DRC9: variants seen among roughly 807,000 people sequenced by gnomAD.
DRC9 encodes the protein dynein regulatory complex protein 9.
At chr3:197,944,453 A>T in the DRC9 span, among the ~76,000 whole-genome samples, 586 of 142,750 alleles carry the variant, frequency 4.1e-3, 7 homozygotes, top group African/African-American at 0.011. Flanking sequence ...ATTTTATTTT[A>T]TTTTATTTTT....
chr3:197,940,029 T>A, the DRC9 span, among the ~76,000 whole-genome samples: 4 of 152,140 alleles, frequency 2.6e-5, no homozygotes, highest in Non-Finnish European at 5.9e-5. Flanking sequence ...AGTCTCACTG[T>A]GTCGCTCAGG....
At chr3:197,912,692 G>A in the DRC9 span, 2 of 1,613,654 alleles carry the variant, frequency 1.2e-6, no homozygotes, top group Middle Eastern at 3.3e-4. Flanking sequence ...TCCTTTCTAA[G>A]GAACATTTCA....
chr3:197,896,561 G>T, the DRC9 span, among the ~76,000 whole-genome samples: 1 of 152,152 alleles, frequency 6.6e-6, no homozygotes, highest in African/African-American at 2.4e-5. Context: ...GTCCATTCCA[G>T]CTGCTATAAC....
the DRC9 span, chr3:197,959,445 C>A: frequency 6.6e-6 from 1 of 152,376 alleles, no homozygotes. Flanking sequence ...CCACCCCATC[C>A]TCGTAGCTGA....
chr3:197,925,995 A>G, the DRC9 span: 1 of 1,146,438 alleles, frequency 8.7e-7, no homozygotes, highest in South Asian at 1.2e-5. Flanking sequence ...TAGCTCGGTC[A>G]CTTTTGGTGT....
At chr3:197,892,834 G>A in the DRC9 span, 9 of 1,549,464 alleles carry the variant, frequency 5.8e-6, no homozygotes, top group African/African-American at 4.1e-5. Context: ...CCACTTATAC[G>A]AGTTTCAAGA....
At chr3:197,943,242 T>C in the DRC9 span, among the ~76,000 whole-genome samples, 4 of 152,180 alleles carry the variant, frequency 2.6e-5, no homozygotes, top group South Asian at 4.1e-4. Flanking sequence ...CTTCAGTATA[T>C]AGATTGTATT....
chr3:197,919,465 G>A, the DRC9 span, among the ~76,000 whole-genome samples: 4 of 152,282 alleles, frequency 2.6e-5, no homozygotes, highest in East Asian at 3.9e-4. Flanking sequence ...CCTCGAATCC[G>A]AGTTGTCCAT....
chr3:197,890,769 G>A, the DRC9 span, among the ~76,000 whole-genome samples: 1 of 152,160 alleles, frequency 6.6e-6, no homozygotes, highest in Non-Finnish European at 1.5e-5. Context: ...CTCCTTATGG[G>A]AAGCCCAACT....
the DRC9 span, among the ~76,000 whole-genome samples, chr3:197,942,477 A>C: frequency 4.0e-5 from 6 of 151,604 alleles, no homozygotes; most frequent in Middle Eastern, 3.4e-3. Flanking sequence ...ATGGAAAATT[A>C]AAGGGAAATT....
At chr3:197,928,014 G>C in the DRC9 span, among the ~76,000 whole-genome samples, 1 of 152,110 alleles carries the variant, frequency 6.6e-6, no homozygotes, top group Non-Finnish European at 1.5e-5. Flanking sequence ...GTTGATGACA[G>C]GCTGATGGGT....
the DRC9 span, among the ~76,000 whole-genome samples, chr3:197,954,653 G>GCATA: frequency 6.6e-6 from 1 of 152,116 alleles, no homozygotes; most frequent in Non-Finnish European, 1.5e-5. Flanking sequence ...GGAATTACAG[G>GCATA]CGTATATACC....
chr3:197,910,665 T>C, the DRC9 span, among the ~76,000 whole-genome samples: 1 of 152,140 alleles, frequency 6.6e-6, no homozygotes, highest in African/African-American at 2.4e-5. Context: ...TCTTTATTCA[T>C]CCAATAGGGT....
the DRC9 span, chr3:197,953,661 G>A: frequency 2.3e-6 from 1 of 438,676 alleles, no homozygotes; most frequent in Admixed American, 2.8e-5. Context: ...AAAATGGCAG[G>A]TAATTCCTCC....
chr3:197,913,723 C>A, the DRC9 span: 1 of 800,588 alleles, frequency 1.2e-6, no homozygotes, highest in African/African-American at 1.7e-5. Context: ...ACACGCATAT[C>A]CTCATTTAGG....
At chr3:197,913,372 T>C in the DRC9 span, 3 of 222,758 alleles carry the variant, frequency 1.3e-5, no homozygotes, top group East Asian at 2.0e-4. Flanking sequence ...GTGTGTGCCA[T>C]TTAGCATTCC....
chr3:197,932,205 T>C, the DRC9 span: 1 of 1,613,472 alleles, frequency 6.2e-7, no homozygotes, highest in Non-Finnish European at 8.5e-7. Flanking sequence ...TGCATTTTGT[T>C]TTCCCTCTCT....
the DRC9 span, chr3:197,894,440 A>T: frequency 6.6e-6 from 1 of 152,226 alleles, no homozygotes; most frequent in African/African-American, 2.4e-5. Context: ...AGAAGGTATA[A>T]ACATTGACTA....
the DRC9 span, among the ~76,000 whole-genome samples, chr3:197,942,584 T>C: frequency 6.6e-6 from 1 of 151,772 alleles, no homozygotes; most frequent in Non-Finnish European, 1.5e-5. Context: ...TACCCTCTTA[T>C]TTATATAGCA....
Sources: gnomAD v4.1 joint callset for allele counts (sites outside exome capture counted in the v4.1 genomes callset) on GRCh38, gnomAD v4.1.1 for gene constraint, MANE v1.5 for transcripts, NCBI Gene and HGNC (gene_info 2026-07-23, HGNC 2026-07-21) for gene names.